The following DPP6 variants were observed in gnomAD, a reference collection of about 807,000 sequenced individuals.
DPP6 encodes the protein dipeptidyl peptidase like 6.
DPP6 carries 69 observed loss-of-function variants against 122.6 expected under a neutral mutation model. The ratio of observed to expected loss-of-function variants is 0.56; its 90% CI spans 0.46 to 0.69. DPP6 has a LOEUF of 0.69. Ranked by LOEUF, DPP6 falls within the 30% of genes least tolerant of loss-of-function variation. DPP6 has a pLI of 0.00. For missense variants in DPP6, 928 were observed against 1,116.9 expected (o/e 0.83, Z 2.41); for synonymous variants, 418 against 433.1 (o/e 0.97, Z 0.43).
intron 4 of DPP6, among the ~76,000 whole-genome samples, chr7:154,557,807 G>A (rs1425790500): frequency 6.6e-6 from 1 of 152,028 alleles, no homozygotes; most frequent in Non-Finnish European, 1.5e-5. Context: ...CTGCAGTCTT[G>A]CCAAGTTAAG....
the DPP6 span, among the ~76,000 whole-genome samples, chr7:153,810,710 CTCTCAGTA>C: frequency 2.1e-5 from 3 of 141,026 alleles, no homozygotes; most frequent in African/African-American, 8.1e-5. Context: ...CTCTCTCTCT[CTCTCAGTA>C]AGCACCAGGA....
the DPP6 span, among the ~76,000 whole-genome samples, chr7:153,811,460 C>A: frequency 0.027 from 4,163 of 152,068 alleles, 34 homozygotes; most frequent in African/African-American, 0.086. Flanking sequence ...GAGGGGAGGG[C>A]AGGACACATC....
intron 4 of DPP6, among the ~76,000 whole-genome samples, chr7:154,542,606 AG>A (rs1434264015): frequency 1.3e-5 from 2 of 152,242 alleles, no homozygotes; most frequent in African/African-American, 4.8e-5. Flanking sequence ...CCATGGGTAA[AG>A]AAAAGTTCTC....
chr7:154,781,169 G>A (rs2150402884), intron 10 of DPP6, among the ~76,000 whole-genome samples: 1 of 152,172 alleles, frequency 6.6e-6, no homozygotes, highest in South Asian at 2.1e-4. Context: ...TGGGTGAGAG[G>A]AATGAACAGT....
At position 154,617,530 on chromosome 7, in the gene DPP6, C is replaced by G. The variant is rs149264270; in HGVS notation, c.628-20291C>G. ...CACTGACCACAACTGAAATCAGCCA[C>G]CAGACTCTATTTTCTCTCTGACAAT... On this transcript the variant is annotated intron_variant, in intron 5 of 25. Transcript: ENST00000377770. Among the ~76,000 whole-genome samples the G allele has an allele frequency of 5.6e-3, 847 of 152,270 alleles. 12 individuals carry two copies. The highest frequency in any genetic ancestry group is 0.02 in the African/African-American group (819 of 41,544).
chr7:154,883,812 C>T (rs1222606906), intron 21 of DPP6: 3 of 134,054 alleles, frequency 2.2e-5, no homozygotes, highest in East Asian at 5.5e-4. Flanking sequence ...CGCACACATG[C>T]TCACACAATT....
intron 1 of DPP6, among the ~76,000 whole-genome samples, chr7:154,359,801 C>A (rs767405038): frequency 1.6e-4 from 25 of 152,180 alleles, no homozygotes; most frequent in Non-Finnish European, 2.8e-4. Context: ...TAATGAGAGG[C>A]AGTCAGATAG....
intron 5 of DPP6, among the ~76,000 whole-genome samples, chr7:154,577,214 A>T (rs1831739675): frequency 6.6e-6 from 1 of 152,022 alleles, no homozygotes. Flanking sequence ...AGGAGGAAAG[A>T]TTCGGGGAGG....
chr7:154,512,234 C>A (rs1826144711), intron 3 of DPP6, among the ~76,000 whole-genome samples: 1 of 152,278 alleles, frequency 6.6e-6, no homozygotes, highest in Middle Eastern at 3.4e-3. Context: ...TTTATAAAAG[C>A]ATAATGACGT....
At chr7:153,956,294 C>T (rs1040715913) in intron 1 of DPP6, among the ~76,000 whole-genome samples, 6 of 151,970 alleles carry the variant, frequency 3.9e-5, no homozygotes, top group African/African-American at 1.2e-4. Flanking sequence ...GGGCTGACCA[C>T]GGAGAGGCAG....
intron 8 of DPP6, among the ~76,000 whole-genome samples, chr7:154,728,100 G>A (rs2131366846): frequency 6.6e-6 from 1 of 152,374 alleles, no homozygotes; most frequent in Middle Eastern, 3.4e-3. Context: ...GGGGCCTGCA[G>A]TGTTGTGCAC....
At chr7:154,328,588 A>G (rs1461351851) in intron 1 of DPP6, among the ~76,000 whole-genome samples, 2 of 152,168 alleles carry the variant, frequency 1.3e-5, no homozygotes, top group East Asian at 1.9e-4. Flanking sequence ...TGAGAATCCT[A>G]TTGATTTCAG....
intron 10 of DPP6, among the ~76,000 whole-genome samples, chr7:154,782,073 C>A (rs1346469695): frequency 2.0e-5 from 3 of 152,184 alleles, no homozygotes; most frequent in Admixed American, 6.5e-5. Context: ...TGTGCTCCCC[C>A]ACGTAATCCA....
chr7:154,350,499 A>G (rs763338986), intron 1 of DPP6, among the ~76,000 whole-genome samples: 2 of 152,172 alleles, frequency 1.3e-5, no homozygotes, highest in African/African-American at 2.4e-5. Context: ...TTAAATGTCA[A>G]CCGAGTATCA....
chr7:154,376,113 T>C (rs1813108097), intron 1 of DPP6, among the ~76,000 whole-genome samples: 2 of 152,206 alleles, frequency 1.3e-5, no homozygotes, highest in Non-Finnish European at 2.9e-5. Context: ...GAGGCTTATT[T>C]GCTCATATGG....
intron 9 of DPP6, 125 bp from the exon 10 acceptor site, chr7:154,772,720 C>T: frequency 1.5e-6 from 2 of 1,326,746 alleles, no homozygotes; most frequent in Admixed American, 2.1e-5. Context: ...AATTCTGCTC[C>T]TTAATATGGA....
At chr7:153,932,054 A>T (rs2129013414) in intron 1 of DPP6, among the ~76,000 whole-genome samples, 1 of 152,170 alleles carries the variant, frequency 6.6e-6, no homozygotes, top group South Asian at 2.1e-4. Flanking sequence ...GACTTGTAAA[A>T]GGTGAGAGTA....
Position 154,028,094 on chromosome 7 carries a change from C to CCCAGGT in DPP6, c.51+140360_51+140361insCCAGGT, listed in dbSNP as rs1563113162. Among the ~76,000 whole-genome samples, 307 of 150,670 alleles carry CCCAGGT rather than the reference C, an allele frequency of 2.0e-3. 4 individuals carry two copies. The highest frequency in any genetic ancestry group is 7.4e-3 in the African/African-American group (301 of 40,472). On this transcript the variant is annotated intron_variant, in intron 1 of 25. Coordinates refer to the DPP6 transcript ENST00000404039. ...CCCATGGGCTGCCCAGGTGCCCAGG[C>CCCAGGT]GTCCTGGGTCCCCACCCTCGCATGG...
At chr7:153,888,253 C>T (rs1169200931) in intron 1 of DPP6, among the ~76,000 whole-genome samples, 3 of 152,206 alleles carry the variant, frequency 2.0e-5, no homozygotes, top group Non-Finnish European at 4.4e-5. Context: ...ACGCCGCCGC[C>T]GGGCGGGACC....
Sources: allele counts gnomAD v4.1 joint callset (sites outside exome capture counted in the v4.1 genomes callset), GRCh38; gene constraint gnomAD v4.1.1; transcripts MANE v1.5; gene names NCBI Gene and HGNC (gene_info 2026-07-23, HGNC 2026-07-21).